Variants in ZNF516 observed in about 807,000 individuals in gnomAD.
ZNF516 encodes zinc finger protein 516.
A neutral mutation model predicts 79.7 loss-of-function variants in ZNF516; 19 were observed. That is an observed-to-expected ratio of 0.24 (90% CI 0.17 to 0.35). ZNF516 has a LOEUF of 0.35. Ranked by LOEUF, ZNF516 falls within the 10% of genes least tolerant of loss-of-function variation. The pLI is 1.00. For synonymous variants in ZNF516, 877 were observed against 739.5 expected (o/e 1.19, Z -3.02); for missense variants, 1,678 against 1,679.5 (o/e 1.00, Z 0.02).
In ZNF516 at chr18:76,459,737, C is replaced by T. The variant is rs1912980262; in HGVS notation, c.-158+3291G>A. On this transcript the variant is annotated intron_variant, in intron 2 of 6. Transcript: ENST00000443185. The surrounding 1 kb of genome is among the most constrained non-coding windows in gnomAD (Gnocchi z 5.0). ...GCCTCACGCTACACCAGGCACTGCT[C>T]CTGGAGCACAGTGGGTATCCCATCA... Among the ~76,000 whole-genome samples, 1 of 152,124 alleles carries T rather than the reference C, an allele frequency of 6.6e-6. No homozygotes were observed. Among genetic ancestry groups the T allele is most frequent in the African/African-American group, 2.4e-5 (1 of 41,424 alleles).
intron 1 of ZNF516, among the ~76,000 whole-genome samples, chr18:76,468,904 T>C (rs192136214): frequency 6.6e-6 from 1 of 152,322 alleles, no homozygotes; most frequent in African/African-American, 2.4e-5. Context: ...ACTTTATTTA[T>C]CACTCCATTG....
rs778999807 is a variant in ZNF516, at chr18:76,371,577, G to A, written c.3260-6C>T. The A allele has an allele frequency of 1.2e-6, 2 of 1,607,460 alleles. No homozygotes were observed. The highest frequency in any genetic ancestry group is 2.2e-5 in the South Asian group (2 of 90,682). On this transcript the variant is annotated splice_region_variant and splice_polypyrimidine_tract_variant and intron_variant, in intron 4 of 6. Transcript: ENST00000443185. ...GGCCTGCGTCCGGAGTGTCCCTGCG[G>A]TGGCGAGGTGGTGGTGGTGGCAGGG...
In ZNF516 at chr18:76,359,535, C is replaced by T. The variant is rs1353271119; in HGVS notation, c.*2963G>A. On this transcript the variant is annotated 3_prime_UTR_variant, in exon 7 of 7. Coordinates refer to ENST00000443185, the MANE Select transcript of ZNF516 (RefSeq NM_014643.4). Reference sequence around the variant, plus strand: ...TCATTAGCTGTGTGTTATTTGAACGCAAAAATGAGGAAGAGATATGAGCAG... The same window carrying T: ...TCATTAGCTGTGTGTTATTTGAACGTAAAAATGAGGAAGAGATATGAGCAG... The T allele has an allele frequency of 6.6e-6, 1 of 151,776 alleles. No individual in the cohort carries two copies. Among genetic ancestry groups the T allele is most frequent in the Admixed American group, 6.6e-5 (1 of 15,258 alleles). 9.4% of individuals were successfully genotyped at this position (151,776 alleles called of 1,614,324 possible). A position where few individuals can be genotyped will look rare whatever the true frequency, so the allele number is the denominator to read the frequency against.
chr18:76,458,048 A>G (rs1033852919), intron 2 of ZNF516, among the ~76,000 whole-genome samples: 1 of 152,154 alleles, frequency 6.6e-6, no homozygotes, highest in African/African-American at 2.4e-5. Flanking sequence ...CATCAGGCGC[A>G]CCATGGTTTT....
intron 3 of ZNF516, among the ~76,000 whole-genome samples, chr18:76,401,757 ACCCCC>A (rs1437721147): frequency 0.17 from 615 of 3,532 alleles, 10 homozygotes; most frequent in Non-Finnish European, 0.26. Flanking sequence ...CACCAACCAC[ACCCCC>A]GCGCTCCATC....
chr18:76,441,555 G>A lies in ZNF516; in HGVS notation c.1500C>T (p.Arg500=), dbSNP rs775516655. 2 of 1,526,444 alleles carry A rather than the reference G, an allele frequency of 1.3e-6. No individual in the cohort carries two copies. The highest frequency in any genetic ancestry group is 2.1e-5 in the Admixed American group (1 of 47,100). 94.6% of individuals were successfully genotyped at this position (1,526,444 alleles called of 1,614,324 possible). ...TGGTGGCTGCGGCCCTGCGGTTGGGGCGCGCGGCCGAGCGGGGATCGAGGT... is the reference window on the plus strand; with the variant it reads ...TGGTGGCTGCGGCCCTGCGGTTGGGACGCGCGGCCGAGCGGGGATCGAGGT... ...AGHLDPRSAA[R]PNRRAAATTG... Residue 500 remains arginine, a synonymous_variant, in exon 3 of 7, where the codon CGC becomes CGT. Coordinates refer to ENST00000443185, the MANE Select transcript of ZNF516 (RefSeq NM_014643.4).
intron 3 of ZNF516, chr18:76,388,591 C>T (rs1227387513): frequency 6.6e-6 from 1 of 152,170 alleles, no homozygotes; most frequent in Non-Finnish European, 1.5e-5. Context: ...AGAAAGGGAA[C>T]CGGACAAGCT....
At chr18:76,430,375 A>G (rs992735358) in intron 3 of ZNF516, among the ~76,000 whole-genome samples, 6 of 152,244 alleles carry the variant, frequency 3.9e-5, no homozygotes, top group Non-Finnish European at 8.8e-5. Context: ...TCACAGATTA[A>G]TTTTAAATCA....
Position 76,442,185 on chromosome 18 carries a change from G to A in ZNF516, c.870C>T (p.Phe290=), listed in dbSNP as rs7233640. 6,815 of 1,613,926 alleles carry A rather than the reference G, an allele frequency of 4.2e-3. 147 individuals are homozygous for A. The African/African-American group carries it at 0.057, about 14-fold the overall frequency. The change falls in exon 3 of 7, where the codon TTC becomes TTT. Residue 290 remains phenylalanine (F), a synonymous_variant. Coordinates refer to ENST00000443185, the MANE Select transcript of ZNF516 (RefSeq NM_014643.4). ...CGTGCGCCTTCATGTGGTTCTTGAG[G>A]AACCAGGGCTCCTTGAACCTACGGC... ...ICGRRFKEPW[F]LKNHMKAHGP...
At chr18:76,473,029 G>A (rs1479882672) in intron 1 of ZNF516, among the ~76,000 whole-genome samples, 1 of 152,176 alleles carries the variant, frequency 6.6e-6, no homozygotes, top group African/African-American at 2.4e-5. Context: ...TCCCAAAGGG[G>A]AAGTCAAATT....
At chr18:76,490,370 T>C (rs1301070804) in intron 1 of ZNF516, among the ~76,000 whole-genome samples, 1 of 152,164 alleles carries the variant, frequency 6.6e-6, no homozygotes, top group Non-Finnish European at 1.5e-5. Context: ...TAAATATAAA[T>C]AACAGTTACC....
intron 3 of ZNF516, among the ~76,000 whole-genome samples, chr18:76,424,855 G>A (rs1396199098): frequency 6.1e-5 from 8 of 132,096 alleles, no homozygotes; most frequent in Non-Finnish European, 1.2e-4. Flanking sequence ...TGAAACACAC[G>A]CAGGTGAAAA....
At chr18:76,482,994 T>C (rs1485347518) in intron 1 of ZNF516, among the ~76,000 whole-genome samples, 2 of 152,236 alleles carry the variant, frequency 1.3e-5, no homozygotes, top group African/African-American at 4.8e-5. Context: ...TACTCAGTAC[T>C]ATCTTCTTAA....
intron 1 of ZNF516, among the ~76,000 whole-genome samples, chr18:76,465,914 G>A (rs1045760604): frequency 2.0e-5 from 3 of 152,150 alleles, no homozygotes; most frequent in Non-Finnish European, 4.4e-5. Flanking sequence ...GCTCCCAGAT[G>A]GGCTCCTGGG....
At chr18:76,480,520 C>CAT (rs775140329) in intron 1 of ZNF516, among the ~76,000 whole-genome samples, 28 of 69,476 alleles carry the variant, frequency 4.0e-4, no homozygotes, top group South Asian at 1.9e-3. Context: ...CACACACACA[C>CAT]ACACATATAT....
At chr18:76,490,137 T>TA (rs1208849946) in intron 1 of ZNF516, 38 of 984,774 alleles carry the variant, frequency 3.9e-5, no homozygotes, top group Admixed American at 6.1e-5. Flanking sequence ...TTGTGAGTCT[T>TA]ACACAGAATT....
chr18:76,490,848 C>A (rs1915137007), intron 1 of ZNF516: 4 of 985,486 alleles, frequency 4.1e-6, no homozygotes, highest in African/African-American at 1.7e-5. Flanking sequence ...GCAGGGGACA[C>A]CCCTGGAAGG....
intron 3 of ZNF516, among the ~76,000 whole-genome samples, chr18:76,421,761 C>A (rs1202508892): frequency 6.6e-6 from 1 of 152,182 alleles, no homozygotes; most frequent in Admixed American, 6.5e-5. Flanking sequence ...CCTCACATTT[C>A]TTTGATTTTA....
rs1345947853 is a variant in ZNF516 at position 76,451,622 on chromosome 18, G to C, written c.-157-8411C>G. Among the ~76,000 whole-genome samples the C allele has an allele frequency of 6.6e-6, 1 of 152,224 alleles. No homozygotes were observed. Among genetic ancestry groups the C allele is most frequent in the Non-Finnish European group, 1.5e-5 (1 of 68,038 alleles). ...TTGGTCCCGGCCACAGCTACTACGG[G>C]GTCGGCGCAGAAGCCCGTGCGTGTG... is the stretch of plus-strand genomic sequence containing the variant. On this transcript the variant is annotated intron_variant, in intron 2 of 6. Coordinates refer to ENST00000443185, the MANE Select transcript of ZNF516 (RefSeq NM_014643.4). The surrounding 1 kb of genome is among the most constrained non-coding windows in gnomAD (Gnocchi z 6.0).
Sources: gnomAD v4.1 joint callset for allele counts (sites outside exome capture counted in the v4.1 genomes callset) on GRCh38, gnomAD v4.1.1 for gene constraint, Gnocchi (gnomAD v3.1) non-coding constraint, MANE v1.5 for transcripts, NCBI Gene and HGNC (gene_info 2026-07-23, HGNC 2026-07-21) for gene names.